The following SLC26A9 variants were observed in gnomAD, a reference collection of about 807,000 sequenced individuals.
SLC26A9 encodes the protein solute carrier family 26 member 9, also known as anion transporter/exchanger protein 9.
Under a neutral mutation model 87.1 loss-of-function variants are expected in SLC26A9, and 46 were observed. The ratio of observed to expected loss-of-function variants is 0.53; its 90% CI spans 0.42 to 0.67. The LOEUF (loss-of-function observed/expected upper bound fraction) is 0.67, where lower values mean the gene tolerates loss of function less well. Ranked by LOEUF, SLC26A9 falls within the 30% of genes least tolerant of loss-of-function variation. The pLI is 0.00. For missense variants in SLC26A9, 927 were observed against 1,018.3 expected, an observed-to-expected ratio of 0.91 and a Z score of 1.22; for synonymous variants, 437 against 409.1, an observed-to-expected ratio of 1.07 and a Z score of -0.82.
intron 11 of SLC26A9, among the ~76,000 whole-genome samples, 193 bp downstream of exon 11, chr1:205,927,018 T>C (rs1659098633): frequency 6.6e-6 from 1 of 152,190 alleles, no homozygotes; most frequent in African/African-American, 2.4e-5. Context: ...CAAGGTTACT[T>C]AGACTCTCAG....
At position 205,921,766 on chromosome 1, in the gene SLC26A9, C is replaced by A; in HGVS notation, c.1855G>T (p.Gly619Cys). ...DPNNNQTPANGTSVSYITFSP... is the reference protein window; with the variant it reads ...DPNNNQTPANCTSVSYITFSP... Reference sequence around the variant, plus strand: ...AAGGTGATATAGGACACGCTGGTGCCGTTAGCCGGGGTCTGGTTGTTGTTG... The same window carrying A: ...AAGGTGATATAGGACACGCTGGTGCAGTTAGCCGGGGTCTGGTTGTTGTTG... Residue 619 changes from glycine (G) to cysteine (C), a missense_variant, in exon 17 of 21, where the codon GGC becomes TGC. Coordinates refer to ENST00000367135, the MANE Select transcript of SLC26A9 (RefSeq NM_052934.4). 1 of 1,600,992 alleles carries A rather than the reference C, an allele frequency of 6.2e-7. No homozygotes were observed. The highest frequency in any genetic ancestry group is 2.3e-5 in the East Asian group (1 of 44,332).
intron 2 of SLC26A9, 124 bp from the exon 3 acceptor site, chr1:205,933,208 G>A (rs765249131): frequency 3.2e-5 from 45 of 1,388,956 alleles, no homozygotes; most frequent in Middle Eastern, 2.5e-4. Context: ...TGAACTGTGT[G>A]CCAGGGATAT....
intron 20 of SLC26A9, among the ~76,000 whole-genome samples, chr1:205,915,877 CT>C (rs1474762847): frequency 6.6e-6 from 1 of 152,186 alleles, no homozygotes; most frequent in African/African-American, 2.4e-5. Flanking sequence ...TCTGTCCCAC[CT>C]GCCATCAGCA....
In SLC26A9 at chr1:205,923,145, C is replaced by T. The variant is rs780863415; in HGVS notation, c.1710G>A (p.Lys570=). Residue 570 remains lysine, a synonymous_variant, in exon 16 of 21, where the codon AAG becomes AAA. Transcript: ENST00000367135. ...GCCTCATTCTCCGCTTCTCCTGCTT[C>T]TTGAGGTATTTTTGCTTGGCTAGTA... ...KVLLAKQKYL[K]KQEKRRMRPT... The T allele has an allele frequency of 7.4e-6, 12 of 1,614,176 alleles. No homozygotes were observed. The highest frequency in any genetic ancestry group is 1.0e-5 in the Non-Finnish European group (12 of 1,180,038).
Position 205,928,876 on chromosome 1 carries a change from T to TACA in SLC26A9, c.901_903dup (p.Cys301dup). ...TGCATGTGATACTTTTTGGGCATCTTACAGCCCCCGGAGATAGCTGTTGCC... is the reference window on the plus strand; with the variant it reads ...TGCATGTGATACTTTTTGGGCATCTTACAACAGCCCCCGGAGATAGCTGTTGCC... On this transcript the variant is annotated inframe_insertion, in exon 8 of 21. Transcript: ENST00000367135. 6.2e-7 allele frequency: 1 copy of TACA among 1,614,092 alleles called. No individual in the cohort carries two copies. Among genetic ancestry groups the TACA allele is most frequent in the Non-Finnish European group, 8.5e-7 (1 of 1,180,002 alleles).
rs1658961864 is a variant in SLC26A9, at chr1:205,924,071, T to A, written c.1496+312A>T. 2.0e-5 allele frequency among the ~76,000 whole-genome samples: 3 copies of A among 152,262 alleles called. No homozygotes were observed. In the South Asian group the frequency reaches 6.2e-4, roughly 32 times the overall value. On this transcript the variant is annotated intron_variant, in intron 13 of 20. Transcript: ENST00000367135. ...CCCATTTGGTTTGGGGTTCTGGCAA[T>A]GTCTTTGGAAGGATGTTGAATCTCA...
chr1:205,929,031 A>G (rs1659197712), intron 7 of SLC26A9, 122 bp from the exon 8 acceptor site: 3 of 1,446,144 alleles, frequency 2.1e-6, no homozygotes, highest in Admixed American at 1.8e-5. Context: ...CTTAGGGGGA[A>G]TTATTAGAGC....
intron 1 of SLC26A9, among the ~76,000 whole-genome samples, chr1:205,938,039 A>G (rs1243688022): frequency 6.6e-6 from 1 of 152,082 alleles, no homozygotes; most frequent in Non-Finnish European, 1.5e-5. Flanking sequence ...CAAAGGGTCT[A>G]AGTTCCGGTA....
chr1:205,919,756 G>A lies in SLC26A9; in HGVS notation c.2110+420C>T, dbSNP rs1442299668. ...TATTTATATGTTCCCTGGGGAATTAGGGTACCGTGTGCTCTATGCCTATAT... is the reference window on the plus strand; with the variant it reads ...TATTTATATGTTCCCTGGGGAATTAAGGTACCGTGTGCTCTATGCCTATAT... On this transcript the variant is annotated intron_variant, in intron 18 of 20. Transcript: ENST00000367135. Among the ~76,000 whole-genome samples, 6 of 152,190 alleles carry A rather than the reference G, an allele frequency of 3.9e-5. No individual in the cohort carries two copies. The South Asian group carries it at 1.0e-3, about 26-fold the overall frequency.
chr1:205,927,238 C>T lies in SLC26A9; in HGVS notation c.1266G>A (p.Leu422=), dbSNP rs371913177. The part of the protein sequence containing the change: ...SLVVMITMLV[L]GIYLYPLPKS... ...TAGGGAGAGGATACAGATAGATCCC[C>T]AGGACCAGCATGGTGATCATCACCA... Residue 422 remains leucine, a synonymous_variant, in exon 11 of 21, where the codon CTG becomes CTA. Coordinates refer to ENST00000367135, the MANE Select transcript of SLC26A9 (RefSeq NM_052934.4). The T allele has an allele frequency of 1.2e-6, 2 of 1,614,064 alleles. No homozygotes were observed. Among genetic ancestry groups the T allele is most frequent in the Non-Finnish European group, 1.7e-6 (2 of 1,180,030 alleles).
intron 1 of SLC26A9, among the ~76,000 whole-genome samples, chr1:205,938,502 G>GT (rs1434325795): frequency 6.6e-6 from 1 of 152,000 alleles, no homozygotes; most frequent in Non-Finnish European, 1.5e-5. Flanking sequence ...TGGCATTTTT[G>GT]TTTTTTTATC....
At chr1:205,929,658 G>C (rs962985391) in intron 6 of SLC26A9, among the ~76,000 whole-genome samples, 5 of 152,232 alleles carry the variant, frequency 3.3e-5, no homozygotes, top group African/African-American at 7.2e-5. Context: ...TGAGGCACTA[G>C]AATGGGGAAC....
At chr1:205,930,118 C>T (rs977614118) in intron 5 of SLC26A9, 62 bp from the exon 6 acceptor site, 7 of 1,522,254 alleles carry the variant, frequency 4.6e-6, no homozygotes, top group African/African-American at 1.4e-5. Context: ...GTTCCAACGA[C>T]CCGCCCCACA....
At chr1:205,941,413 C>T (rs962542218) in intron 1 of SLC26A9, among the ~76,000 whole-genome samples, 2 of 152,176 alleles carry the variant, frequency 1.3e-5, no homozygotes, top group East Asian at 1.9e-4. Flanking sequence ...CTCAAGTGAT[C>T]TGCCCTCCTT....
rs562115498 is a variant in SLC26A9 at position 205,940,206 on chromosome 1, T to G, written c.-19+3159A>C. 2.6e-5 allele frequency among the ~76,000 whole-genome samples: 4 copies of G among 152,090 alleles called. No individual in the cohort carries two copies. In the South Asian group the frequency reaches 6.2e-4, roughly 24 times the overall value. ...TGGAGCAGAGGGGATGCAGGGGTCG[T>G]GCGAGCCGGAGTAGCTGGGAGAGGG... is the stretch of plus-strand genomic sequence containing the variant. On this transcript the variant is annotated intron_variant, in intron 1 of 20. Coordinates refer to ENST00000367135, the MANE Select transcript of SLC26A9 (RefSeq NM_052934.4).
chr1:205,939,502 C>G (rs11240598), intron 1 of SLC26A9, among the ~76,000 whole-genome samples: 107,408 of 152,008 alleles, frequency 0.71, 38,456 homozygotes, highest in East Asian at 0.91. Flanking sequence ...CCAGCTCCTG[C>G]TGAGAAGGCG....
chr1:205,933,900 C>T (rs555412453), intron 2 of SLC26A9, among the ~76,000 whole-genome samples: 16 of 152,212 alleles, frequency 1.1e-4, no homozygotes, highest in Admixed American at 3.3e-4. Context: ...AACTCAGGAG[C>T]GGTAGGAACA....
At chr1:205,929,431 CA>C (rs1659219137) in intron 6 of SLC26A9, 75 bp from the exon 7 acceptor site, 1 of 1,563,382 alleles carries the variant, frequency 6.4e-7, no homozygotes. Flanking sequence ...GTGTCTGACC[CA>C]GGGAAGGGAT....
chr1:205,923,002 C>G, intron 16 of SLC26A9, 80 bp downstream of exon 16: 1 of 1,404,212 alleles, frequency 7.1e-7, no homozygotes, highest in Non-Finnish European at 1.0e-6. Context: ...GCGGGGCCCC[C>G]AGGGTACCAT....
Sources: allele counts gnomAD v4.1 joint callset (sites outside exome capture counted in the v4.1 genomes callset), GRCh38; gene constraint gnomAD v4.1.1; transcripts MANE v1.5; gene names NCBI Gene and HGNC (gene_info 2026-07-23, HGNC 2026-07-21).